SRRM1: variants seen among roughly 807,000 people sequenced by gnomAD.
SRRM1 encodes the protein serine and arginine repetitive matrix 1, also known as serine/arginine repetitive matrix protein 1.
A neutral mutation model predicts 110.2 loss-of-function variants in SRRM1; 19 were observed. The ratio of observed to expected loss-of-function variants is 0.17; its 90% CI spans 0.12 to 0.25. SRRM1 has a LOEUF of 0.25. Ranked by LOEUF, SRRM1 falls within the 10% of genes least tolerant of loss-of-function variation. The pLI is 1.00. For synonymous variants in SRRM1, 443 were observed against 414.9 expected, an observed-to-expected ratio of 1.07 and a Z score of -0.82; for missense variants, 918 against 1,145.8, an observed-to-expected ratio of 0.80 and a Z score of 2.87.
chr1:24,657,929 TA>T (rs1345456041), intron 9 of SRRM1, among the ~76,000 whole-genome samples: 1 of 152,222 alleles, frequency 6.6e-6, no homozygotes, highest in East Asian at 1.9e-4. Context: ...CTTATCTTTA[TA>T]AGTGATCTTT....
chr1:24,661,269 C>T (rs1214830434), intron 10 of SRRM1, 41 bp from the exon 11 acceptor site: 2 of 1,513,434 alleles, frequency 1.3e-6, no homozygotes, highest in Non-Finnish European at 1.8e-6. Flanking sequence ...TTTCTATATG[C>T]TTAACTAAAG....
intron 9 of SRRM1, 97 bp downstream of exon 9, chr1:24,655,226 C>T (rs1384013948): frequency 7.6e-7 from 1 of 1,319,104 alleles, no homozygotes; most frequent in Admixed American, 2.0e-5. Context: ...TATGAAATAG[C>T]TAGATAATAT....
chr1:24,666,048 G>A (rs186925536), intron 12 of SRRM1, among the ~76,000 whole-genome samples: 93 of 152,278 alleles, frequency 6.1e-4, no homozygotes, highest in Non-Finnish European at 1.1e-3. Context: ...TCCTAATAAG[G>A]AATTAGAATC....
Sources: allele counts gnomAD v4.1 joint callset (sites outside exome capture counted in the v4.1 genomes callset), GRCh38; gene constraint gnomAD v4.1.1; transcripts MANE v1.5; gene names NCBI Gene and HGNC (gene_info 2026-07-23, HGNC 2026-07-21).